WDR12: variants seen among roughly 807,000 people sequenced by gnomAD.
The protein encoded by WDR12 is ribosome biogenesis protein WDR12.
A neutral mutation model predicts 64.3 loss-of-function variants in WDR12; 42 were observed. The observed-to-expected ratio is 0.65, with a 90% confidence interval of 0.51 to 0.84. The LOEUF is 0.84. WDR12 is among the 40% of genes least tolerant of loss of function. The probability of loss-of-function intolerance (pLI) is 0.00; values close to 1 mark genes in which losing one functional copy is unlikely to be tolerated. For synonymous variants in WDR12, 158 were observed against 173.3 expected (o/e 0.91, Z 0.70); for missense variants, 469 against 494.6 (o/e 0.95, Z 0.49).
chr2:202,894,587 A>G lies in WDR12; in HGVS notation c.649T>C (p.Ser217Pro), dbSNP rs571628490. Residue 217 changes from serine to proline, a missense_variant, in exon 7 of 13, where the codon TCT (serine) becomes CCT (proline). Transcript: ENST00000261015. ...GSWDKMLKIW[S>P]TVPTDEEDEM... ...AAATAAATATTTAATTTACCTGTAG[A>G]CCAGATCTTTAGCATCTTATCCCAG... 18 of 1,605,174 alleles carry G rather than the reference A, an allele frequency of 1.1e-5. No homozygotes were observed. In the East Asian group the frequency reaches 3.8e-4, roughly 34 times the overall value.
chr2:202,910,273 A>C (rs1688545170), intron 1 of WDR12, among the ~76,000 whole-genome samples: 1 of 152,194 alleles, frequency 6.6e-6, no homozygotes, highest in Non-Finnish European at 1.5e-5. Flanking sequence ...CTGTAATTCC[A>C]GGACTTTGGG....
intron 7 of WDR12, among the ~76,000 whole-genome samples, chr2:202,893,856 A>G (rs924352190): frequency 3.3e-5 from 5 of 152,134 alleles, no homozygotes; most frequent in Admixed American, 6.6e-5. Flanking sequence ...TTCAGAGTAA[A>G]AATATTAATA....
intron 12 of WDR12, among the ~76,000 whole-genome samples, chr2:202,882,490 G>A (rs761771755): frequency 4.6e-5 from 7 of 151,954 alleles, no homozygotes; most frequent in South Asian, 2.1e-4. Context: ...CACCATGCCC[G>A]GCTAATTTTT....
rs1315943006 is a variant in WDR12, at chr2:202,875,001, G to GA, written c.*5858dup. On this transcript the variant is annotated 3_prime_UTR_variant, in exon 13 of 13. Transcript: ENST00000261015. ...TCACCAACTATACATAGAATTGTTT[G>GA]ACATGTTTCTAAACTTTGTATCAGA... 6.6e-6 allele frequency: 1 copy of GA among 152,124 alleles called. No individual in the cohort carries two copies. The highest frequency in any genetic ancestry group is 2.4e-5 in the African/African-American group (1 of 41,442). 9.4% of individuals were successfully genotyped at this position (152,124 alleles called of 1,614,324 possible).
chr2:202,906,444 T>C (rs752680633), intron 2 of WDR12, among the ~76,000 whole-genome samples: 1 of 152,104 alleles, frequency 6.6e-6, no homozygotes, highest in Non-Finnish European at 1.5e-5. Context: ...AAAAAAATTA[T>C]GTGATTATTT....
At chr2:202,881,807 C>A (rs542692826) in intron 12 of WDR12, among the ~76,000 whole-genome samples, 1 of 151,778 alleles carries the variant, frequency 6.6e-6, no homozygotes, top group Non-Finnish European at 1.5e-5. Context: ...GAGTCACGAC[C>A]GCACCACTAA....
Position 202,876,385 on chromosome 2 carries a change from A to C in WDR12, c.*4475T>G, listed in dbSNP as rs1050526124. The C allele has an allele frequency of 3.3e-5, 5 of 152,218 alleles. No individual in the cohort carries two copies. Among genetic ancestry groups the C allele is most frequent in the African/African-American group, 2.4e-5 (1 of 41,462 alleles). 9.4% of individuals were successfully genotyped at this position (152,218 alleles called of 1,614,324 possible). ...AAGAGATATATTTGGTTCATATAAC[A>C]AAATACTGTTATTGTGTTTGATACT... On this transcript the variant is annotated 3_prime_UTR_variant, in exon 13 of 13. Transcript: ENST00000261015.
chr2:202,906,785 T>A (rs748701068), intron 2 of WDR12, among the ~76,000 whole-genome samples: 1 of 152,168 alleles, frequency 6.6e-6, no homozygotes, highest in African/African-American at 2.4e-5. Flanking sequence ...AATCACTTAA[T>A]GTTTCATGTT....
intron 5 of WDR12, 25 bp from the exon 6 acceptor site, chr2:202,896,244 A>G (rs1297826005): frequency 6.2e-7 from 1 of 1,607,756 alleles, no homozygotes; most frequent in African/African-American, 1.3e-5. Flanking sequence ...ACACAAGAAT[A>G]AGAAACAAAT....
At position 202,894,545 on chromosome 2, in the gene WDR12, A is replaced by G. The variant is rs200672146; in HGVS notation, c.655+36T>C. On this transcript the variant is annotated intron_variant, in intron 7 of 12. Transcript: ENST00000261015. The stretch of plus-strand genomic sequence containing the variant: ...TCCGAATTTAAATTTTTGAAACAAC[A>G]TTATTAAGTCAAGGTAAAATAAATA... The G allele has an allele frequency of 3.2e-3, 4,980 of 1,560,760 alleles. 15 individuals carry two copies. Among genetic ancestry groups the G allele is most frequent in the Non-Finnish European group, 4.0e-3 (4,571 of 1,149,762 alleles).
At chr2:202,909,275 TAA>T (rs1688520885) in intron 1 of WDR12, among the ~76,000 whole-genome samples, 1 of 152,252 alleles carries the variant, frequency 6.6e-6, no homozygotes, top group Admixed American at 6.5e-5. Flanking sequence ...CTAAAAGGTA[TAA>T]ACAACCTAAA....
chr2:202,883,338 G>C (rs1687988658), intron 11 of WDR12: 1 of 286,440 alleles, frequency 3.5e-6, no homozygotes, highest in Admixed American at 4.6e-5. Context: ...GTTTCACCAT[G>C]TTGGCCAGGA....
intron 3 of WDR12, among the ~76,000 whole-genome samples, chr2:202,900,583 T>G (rs977523287): frequency 2.0e-5 from 3 of 152,140 alleles, no homozygotes; most frequent in Admixed American, 2.0e-4. Flanking sequence ...TAAGTTATAT[T>G]TTTAATCATA....
chr2:202,890,091 G>A (rs1372464869), intron 8 of WDR12, among the ~76,000 whole-genome samples: 1 of 152,002 alleles, frequency 6.6e-6, no homozygotes, highest in Non-Finnish European at 1.5e-5. Context: ...AGTTGGGTAT[G>A]GTGGCATGCA....
At chr2:202,903,732 A>C (rs187915970) in intron 2 of WDR12, among the ~76,000 whole-genome samples, 32 of 152,328 alleles carry the variant, frequency 2.1e-4, no homozygotes, top group African/African-American at 7.2e-4. Flanking sequence ...GAACAATCAG[A>C]AAAAGAAATC....
In WDR12 at chr2:202,897,409, C is replaced by A. The variant is rs898574078; in HGVS notation, c.345G>T (p.Leu115Phe). The change falls in exon 5 of 13, where the codon TTG (leucine) becomes TTT (phenylalanine). Residue 115 changes from leucine to phenylalanine, a missense_variant. Physicochemically the swap from Leu to Phe is conservative, Grantham distance 22. Coordinates refer to ENST00000261015, the MANE Select transcript of WDR12 (RefSeq NM_018256.4). ...GAGAAGTCTTATCATAAGAACCAGT[C>A]AAGATCCTATGAGAAAAAAAAATCT... ...SSIKGAEEWI[L>F]TGSYDKTSRI... is the part of the protein sequence containing the mutation. 6.5e-7 allele frequency: 1 copy of A among 1,534,086 alleles called. No individual in the cohort carries two copies. Among genetic ancestry groups the A allele is most frequent in the South Asian group, 1.3e-5 (1 of 79,476 alleles).
chr2:202,889,565 G>A (rs1192887755), intron 8 of WDR12, among the ~76,000 whole-genome samples: 1 of 151,896 alleles, frequency 6.6e-6, no homozygotes, highest in African/African-American at 2.4e-5. Flanking sequence ...AAGATCCAGG[G>A]CTTATTAAAA....
intron 2 of WDR12, 71 bp downstream of exon 2, chr2:202,907,794 A>G (rs943636975): frequency 1.9e-4 from 238 of 1,265,038 alleles, no homozygotes; most frequent in Non-Finnish European, 2.3e-4. Flanking sequence ...AGGCCAAAAA[A>G]GGAACTAAAA....
chr2:202,904,746 C>A (rs979724588), intron 2 of WDR12, among the ~76,000 whole-genome samples: 2 of 152,176 alleles, frequency 1.3e-5, no homozygotes, highest in Non-Finnish European at 2.9e-5. Flanking sequence ...TGGGGAAACT[C>A]CCCAGGGCAG....
Sources: allele counts gnomAD v4.1 joint callset (sites outside exome capture counted in the v4.1 genomes callset), GRCh38; gene constraint gnomAD v4.1.1; transcripts MANE v1.5; gene names NCBI Gene and HGNC (gene_info 2026-07-23, HGNC 2026-07-21).